PPP2R3B: variants seen among roughly 807,000 people sequenced by gnomAD.
PPP2R3B encodes the protein serine/threonine-protein phosphatase 2A regulatory subunit B'' subunit beta.
In PPP2R3B, 68 loss-of-function variants were observed where a neutral mutation model predicts 72.9. The ratio of observed to expected loss-of-function variants is 0.93; its 90% CI spans 0.77 to 1.14. PPP2R3B has a LOEUF of 1.14. PPP2R3B is among the 50% of genes most tolerant of loss of function. The pLI is 0.00. For missense variants in PPP2R3B, 1,018 were observed against 842.0 expected (o/e 1.21, Z -2.59); for synonymous variants, 466 against 375.8 (o/e 1.24, Z -2.78).
At chrX:346,590 G>T in intron 5 of PPP2R3B, 111 bp downstream of exon 5, 2 of 1,058,118 alleles carry the variant, frequency 1.9e-6, no homozygotes, top group Non-Finnish European at 2.7e-6. Context: ...TCCTCCGGAA[G>T]CTCAGGAACC....
intron 12 of PPP2R3B, chrX:338,351 C>T (rs1279582692): frequency 4.2e-5 from 25 of 596,058 alleles, no homozygotes; most frequent in African/African-American, 1.1e-4. Context: ...TGCGAAGCCT[C>T]GCGCCCAGGA....
chrX:355,342 G>GA (rs1299844728), intron 2 of PPP2R3B, among the ~76,000 whole-genome samples: 1 of 152,228 alleles, frequency 6.6e-6, no homozygotes, highest in Admixed American at 6.5e-5. Context: ...TGAAAGAAGT[G>GA]AAAGATGCCT....
chrX:382,100 C>T (rs1223369962), intron 1 of PPP2R3B, among the ~76,000 whole-genome samples: 7 of 152,094 alleles, frequency 4.6e-5, no homozygotes, highest in Non-Finnish European at 7.4e-5. Context: ...ACACCCTGGC[C>T]GCCATGCCCA....
chrX:369,176 G>A (rs2071801257), intron 1 of PPP2R3B, among the ~76,000 whole-genome samples: 1 of 152,170 alleles, frequency 6.6e-6, no homozygotes, highest in Admixed American at 6.5e-5. Context: ...GGCATCTACG[G>A]TAAACACAGA....
intron 2 of PPP2R3B, among the ~76,000 whole-genome samples, chrX:356,812 G>A (rs1253709772): frequency 1.1e-5 from 1 of 94,202 alleles, no homozygotes; most frequent in African/African-American, 4.5e-5. Flanking sequence ...CCACACCCTG[G>A]CCAGCCACAC....
At chrX:369,129 G>T (rs2071799658) in intron 1 of PPP2R3B, among the ~76,000 whole-genome samples, 1 of 152,182 alleles carries the variant, frequency 6.6e-6, no homozygotes, top group Non-Finnish European at 1.5e-5. Flanking sequence ...GAATCACAGG[G>T]ACTGCTGCCC....
At chrX:372,557 G>A (rs1316278202) in intron 1 of PPP2R3B, among the ~76,000 whole-genome samples, 1 of 152,206 alleles carries the variant, frequency 6.6e-6, no homozygotes. Context: ...GTCACAGGAA[G>A]ACTCTTACAC....
At chrX:349,855 C>T (rs886703034) in intron 2 of PPP2R3B, among the ~76,000 whole-genome samples, 11 of 152,178 alleles carry the variant, frequency 7.2e-5, no homozygotes, top group Non-Finnish European at 1.0e-4. Flanking sequence ...ACGACCTCAA[C>T]GTGGTGAGGT....
intron 1 of PPP2R3B, among the ~76,000 whole-genome samples, chrX:367,169 G>C (rs1454613667): frequency 1.3e-5 from 2 of 152,150 alleles, no homozygotes; most frequent in East Asian, 1.9e-4. Flanking sequence ...GGGAAGGTTG[G>C]AATTGAAAGA....
intron 5 of PPP2R3B, 144 bp downstream of exon 5, chrX:346,557 G>T: frequency 2.5e-6 from 2 of 794,364 alleles, no homozygotes; most frequent in Non-Finnish European, 2.0e-6. Flanking sequence ...GGCGGGTGGA[G>T]ACTCTCCCAG....
intron 10 of PPP2R3B, 162 bp downstream of exon 10, chrX:340,603 C>T (rs1378464529): frequency 7.3e-6 from 1 of 137,560 alleles, no homozygotes; most frequent in Non-Finnish European, 1.4e-5. Context: ...CCCGTCCGTC[C>T]CCTCTCCCTG....
Position 348,230 on chromosome X carries a change from GAAAATCAAC to G in PPP2R3B, c.511-546_511-538del, listed in dbSNP as rs2071263718. ...ATGGAACGCAAAGTAAATAGTAACAGAAAATCAACAAAATCAAAACTCGATGATTTGAAA... is the reference window on the plus strand; with the variant it reads ...ATGGAACGCAAAGTAAATAGTAACAGAAAATCAAAACTCGATGATTTGAAA... On this transcript the variant is annotated intron_variant, in intron 2 of 12. Coordinates refer to ENST00000390665, the MANE Select transcript of PPP2R3B (RefSeq NM_013239.5). Among the ~76,000 whole-genome samples, 14 of 152,190 alleles carry G rather than the reference GAAAATCAAC, an allele frequency of 9.2e-5. No individual in the cohort carries two copies. In the South Asian group the frequency reaches 2.9e-3, roughly 32 times the overall value.
intron 2 of PPP2R3B, among the ~76,000 whole-genome samples, chrX:357,251 G>T (rs1343706862): frequency 1.3e-5 from 2 of 152,094 alleles, no homozygotes; most frequent in African/African-American, 2.4e-5. Context: ...ACAAACGGCC[G>T]GTCCTGCCTA....
In PPP2R3B at chrX:344,150, A is replaced by G. The variant is rs1421264324; in HGVS notation, c.1036+1366T>C. On this transcript the variant is annotated intron_variant, in intron 7 of 12. Transcript: ENST00000390665. ...GGGAGGCGGGAGGGAGACCTCAGCA[A>G]CGGGAGGCGGGAGGGAGACCTCACC... Among the ~76,000 whole-genome samples, 55 of 104,638 alleles carry G rather than the reference A, an allele frequency of 5.3e-4. 2 individuals are homozygous for G. Among genetic ancestry groups the G allele is most frequent in the South Asian group, 9.1e-4 (2 of 2,196 alleles). The allele number at this position is 104,638 out of a possible 152,430, so 68.6% of individuals were successfully genotyped here. A position where few individuals can be genotyped will look rare whatever the true frequency, so the allele number is the denominator to read the frequency against.
intron 2 of PPP2R3B, among the ~76,000 whole-genome samples, chrX:354,934 C>T (rs73613885): frequency 0.024 from 3,629 of 152,254 alleles, 159 homozygotes; most frequent in African/African-American, 0.083. Flanking sequence ...CAGGCAGGGC[C>T]GCTGCGTCAC....
At chrX:363,504 C>A (rs1165566900) in intron 1 of PPP2R3B, among the ~76,000 whole-genome samples, 11 of 148,354 alleles carry the variant, frequency 7.4e-5, no homozygotes, top group African/African-American at 1.5e-4. Flanking sequence ...CACAATGCAT[C>A]TCCCCGAGCC....
chrX:343,867 T>G (rs373720806), intron 7 of PPP2R3B, among the ~76,000 whole-genome samples: 311 of 13,054 alleles, frequency 0.024, 44 homozygotes, highest in Non-Finnish European at 0.028. Context: ...GACGCGGGAG[T>G]GAGACCTCAG....
At position 386,428 on chromosome X, in the gene PPP2R3B, G is replaced by A. The variant is rs370577665; in HGVS notation, c.264C>T (p.Ala88=). The A allele has an allele frequency of 6.6e-5, 87 of 1,319,090 alleles. 1 individual carries two copies. In the African/African-American group the frequency reaches 8.9e-4, roughly 13 times the overall value. The allele number at this position is 1,319,090 out of a possible 1,614,324, so 81.7% of individuals were successfully genotyped here. A position where few individuals can be genotyped will look rare whatever the true frequency, so the allele number is the denominator to read the frequency against. Residue 88 remains alanine (A), a synonymous_variant, in exon 1 of 13, where the codon GCC becomes GCT. Transcript: ENST00000390665. ...CGTGGGGCGCGTTCCTGGGGCTGGA[G>A]GCGGCGCCCAGGGGCAGCGCAGGGC... is the stretch of plus-strand genomic sequence containing the variant. The part of the protein sequence containing the change: ...GPGPALPLGA[A]SSPRNAPHVR...
intron 1 of PPP2R3B, among the ~76,000 whole-genome samples, chrX:369,377 C>A (rs1462645811): frequency 2.0e-5 from 3 of 152,222 alleles, no homozygotes. Flanking sequence ...AAAGGCGACA[C>A]CCTGACTCCC....
Sources: allele counts gnomAD v4.1 joint callset (sites outside exome capture counted in the v4.1 genomes callset), GRCh38; gene constraint gnomAD v4.1.1; transcripts MANE v1.5; gene names NCBI Gene and HGNC (gene_info 2026-07-23, HGNC 2026-07-21).